LZTFL1: variants seen among roughly 807,000 people sequenced by gnomAD.
The protein encoded by LZTFL1 is leucine zipper transcription factor like 1, also known as leucine zipper transcription factor-like protein 1.
LZTFL1 carries 25 observed loss-of-function variants against 45.9 expected under a neutral mutation model. The ratio of observed to expected loss-of-function variants is 0.54; its 90% confidence interval spans 0.40 to 0.76. LZTFL1 has a LOEUF of 0.76. Among genes scored for constraint, LZTFL1 ranks in the 30% least tolerant of loss-of-function variants. LZTFL1 has a pLI of 0.00. For synonymous variants in LZTFL1, 93 were observed against 117.4 expected, an observed-to-expected ratio of 0.79 and a Z score of 1.35; for missense variants, 277 against 331.1, an observed-to-expected ratio of 0.84 and a Z score of 1.27.
chr3:45,835,912 G>A, intron 2 of LZTFL1, 128 bp from the exon 3 acceptor site: 10 of 567,368 alleles, frequency 1.8e-5, no homozygotes, highest in South Asian at 9.5e-5. Flanking sequence ...AATCTCTCTG[G>A]GAACTATCTT....
intron 2 of LZTFL1, among the ~76,000 whole-genome samples, chr3:45,912,327 A>T (rs535975455): frequency 6.6e-6 from 1 of 152,240 alleles, no homozygotes; most frequent in Non-Finnish European, 1.5e-5. Flanking sequence ...TATTACAAAA[A>T]TGGTCCCAAT....
At chr3:45,872,160 G>T (rs1701680497) in intron 2 of LZTFL1, among the ~76,000 whole-genome samples, 1 of 152,114 alleles carries the variant, frequency 6.6e-6, no homozygotes, top group South Asian at 2.1e-4. Flanking sequence ...GAGAAAATTA[G>T]GTGTAAGAAT....
chr3:45,835,305 C>T, intron 3 of LZTFL1: 1 of 343,688 alleles, frequency 2.9e-6, no homozygotes, highest in Non-Finnish European at 5.4e-6. Flanking sequence ...TAATACTGAC[C>T]AAGCTAACAA....
chr3:45,845,739 A>T (rs760308354), upstream of LZTFL1, among the ~76,000 whole-genome samples: 8 of 152,210 alleles, frequency 5.3e-5, no homozygotes, highest in Non-Finnish European at 4.4e-5. Context: ...ATTGCATTTC[A>T]TCATAGAAAA....
chr3:45,843,663 A>T (rs1701171256), upstream of LZTFL1, among the ~76,000 whole-genome samples: 1 of 152,264 alleles, frequency 6.6e-6, no homozygotes, highest in Admixed American at 6.5e-5. Flanking sequence ...TTGTAATTTA[A>T]AATTCTGCTT....
chr3:45,895,139 A>T, intron 2 of LZTFL1: 1 of 644,802 alleles, frequency 1.6e-6, no homozygotes, highest in Non-Finnish European at 2.8e-6. Context: ...TGCAAATGCA[A>T]AGAGGCAGCT....
chr3:45,828,507 C>A lies in LZTFL1; in HGVS notation c.709G>T (p.Glu237Ter). 2 of 1,614,192 alleles carry A rather than the reference C, an allele frequency of 1.2e-6. No homozygotes were observed. Among genetic ancestry groups the A allele is most frequent in the Non-Finnish European group, 1.7e-6 (2 of 1,180,012 alleles). ...NDKTENQKSL[E>*]ENLATAKHDL... Reference sequence around the variant, plus strand: ...TGCTTGGCTGTCGCCAGATTCTCCTCCAGTGACTTCTGGTTTTCTGTCTTG... The same window carrying A: ...TGCTTGGCTGTCGCCAGATTCTCCTACAGTGACTTCTGGTTTTCTGTCTTG... Residue 237 changes from glutamate to a stop codon, truncating the protein, a stop_gained, in exon 8 of 10, where the codon GAG becomes TAG. Transcript: ENST00000296135. LOFTEE classifies it high-confidence loss of function.
Position 45,823,858 on chromosome 3 carries a change from TG to T in LZTFL1, c.*2455del, listed in dbSNP as rs1008409406. ...CTAAAAGCACCAAGGGCTTAAAATT[TG>T]AGCATCTCTATAAATCTCTTTCAGT... On this transcript the variant is annotated 3_prime_UTR_variant, in exon 10 of 10. Transcript: ENST00000296135. The T allele has an allele frequency of 1.3e-5, 2 of 152,332 alleles. No individual in the cohort carries two copies. The highest frequency in any genetic ancestry group is 6.5e-5 in the Admixed American group (1 of 15,296). The allele number at this position is 152,332 out of a possible 1,614,324, so 9.4% of individuals were successfully genotyped here.
chr3:45,841,661 T>G (rs1229159022), intron 1 of LZTFL1: 1 of 485,364 alleles, frequency 2.1e-6, no homozygotes, highest in Non-Finnish European at 3.7e-6. Flanking sequence ...CCGTGCACCT[T>G]AGGCCGGCAG....
Position 45,834,365 on chromosome 3 carries a change from T to G in LZTFL1, c.324-67A>C, listed in dbSNP as rs1700911080. On this transcript the variant is annotated intron_variant, in intron 3 of 9. Transcript: ENST00000296135. ...AGATTTATATCACACGCAAGAAGAG[T>G]AAAATCACTGGTACCAACCCATTAC... 1.1e-5 allele frequency: 11 copies of G among 1,031,828 alleles called. No homozygotes were observed. In the South Asian group the frequency reaches 1.5e-4, roughly 14 times the overall value. The allele number at this position is 1,031,828 out of a possible 1,614,324, so 63.9% of individuals were successfully genotyped here.
intron 2 of LZTFL1, among the ~76,000 whole-genome samples, chr3:45,903,652 G>C (rs1428397832): frequency 6.6e-6 from 1 of 152,232 alleles, no homozygotes; most frequent in African/African-American, 2.4e-5. Flanking sequence ...GAGGAATAAA[G>C]TGAGCAGACA....
intron 3 of LZTFL1, chr3:45,855,139 T>A (rs1040558303): frequency 1.1e-6 from 1 of 921,734 alleles, no homozygotes; most frequent in Non-Finnish European, 1.7e-6. Context: ...AGGGATATGA[T>A]GAACATCAAT....
chr3:45,895,974 T>C (rs759580551), intron 2 of LZTFL1, among the ~76,000 whole-genome samples: 30 of 152,338 alleles, frequency 2.0e-4, no homozygotes, highest in South Asian at 1.2e-3. Context: ...TGGGTTTCCA[T>C]GATCTATGGA....
intron 2 of LZTFL1, among the ~76,000 whole-genome samples, chr3:45,877,270 G>A (rs898317799): frequency 1.7e-5 from 2 of 119,658 alleles, no homozygotes; most frequent in Admixed American, 9.5e-5. Flanking sequence ...TTTTGCTCTT[G>A]TTGCCCAGGC....
At chr3:45,841,821 G>T in intron 1 of LZTFL1, 168 bp downstream of exon 1, 1 of 864,962 alleles carries the variant, frequency 1.2e-6, no homozygotes, top group Non-Finnish European at 1.8e-6. Flanking sequence ...TTGGGCTGCG[G>T]TTAACCGAAT....
intron 2 of LZTFL1, among the ~76,000 whole-genome samples, chr3:45,862,807 C>G (rs192954610): frequency 1.3e-5 from 2 of 152,200 alleles, no homozygotes; most frequent in African/African-American, 4.8e-5. Flanking sequence ...TGGCTTGCAG[C>G]CTTCCCTCAG....
At chr3:45,912,113 A>C (rs1192143679) in intron 2 of LZTFL1, among the ~76,000 whole-genome samples, 1 of 152,226 alleles carries the variant, frequency 6.6e-6, no homozygotes, top group Admixed American at 6.5e-5. Flanking sequence ...GGGTGCCGTC[A>C]TATACTGCTT....
chr3:45,833,264 G>C, intron 4 of LZTFL1, 143 bp from the exon 5 acceptor site: 1 of 628,828 alleles, frequency 1.6e-6, no homozygotes, highest in Middle Eastern at 4.2e-4. Context: ...GGAGATTTCT[G>C]TTGGTTTCAT....
At position 45,838,051 on chromosome 3, in the gene LZTFL1, C is replaced by T; in HGVS notation, c.4G>A (p.Ala2Thr). 6.3e-7 allele frequency: 1 copy of T among 1,586,206 alleles called. No individual in the cohort carries two copies. Among genetic ancestry groups the T allele is most frequent in the Non-Finnish European group, 8.5e-7 (1 of 1,171,426 alleles). M[A>T]ELGLNEHHQN... ...TGGTGCTCATTTAGGCCCAACTCTG[C>T]CTGAAAAAGAAAGAGGTAATTTAAT... The change falls in exon 2 of 10, where the codon GCA becomes ACA. Residue 2 changes from alanine (A) to threonine (T), a missense_variant and splice_region_variant. Physicochemically the swap from Ala to Thr is moderately conservative, Grantham distance 58. Coordinates refer to ENST00000296135, the MANE Select transcript of LZTFL1 (RefSeq NM_020347.4).
Sources: allele counts gnomAD v4.1 joint callset (sites outside exome capture counted in the v4.1 genomes callset), GRCh38; gene constraint gnomAD v4.1.1; transcripts MANE v1.5; gene names NCBI Gene and HGNC (gene_info 2026-07-23, HGNC 2026-07-21).